The following MSRA variants were observed in gnomAD, a reference collection of about 807,000 sequenced individuals.
The protein encoded by MSRA is methionine sulfoxide reductase A.
In MSRA, 54 loss-of-function variants were observed where a neutral mutation model predicts 31.3. The ratio of observed to expected loss-of-function variants is 1.73; its 90% CI spans 1.39 to 2.17. The LOEUF (loss-of-function observed/expected upper bound fraction) is 2.17, where lower values mean the gene tolerates loss of function less well. Among genes scored for constraint, MSRA ranks in the 30% most tolerant of loss-of-function variants. MSRA has a pLI of 0.00. For missense variants in MSRA, 507 were observed against 300.9 expected, an observed-to-expected ratio of 1.69 and a Z score of -5.07; for synonymous variants, 169 against 116.5, an observed-to-expected ratio of 1.45 and a Z score of -2.90.
At chr8:10,374,669 AT>A (rs1805660290) in intron 5 of MSRA, among the ~76,000 whole-genome samples, 1 of 152,248 alleles carries the variant, frequency 6.6e-6, no homozygotes, top group Non-Finnish European at 1.5e-5. Flanking sequence ...TTTAGCGTGC[AT>A]TTCCCCCTCA....
intron 1 of MSRA, among the ~76,000 whole-genome samples, chr8:10,146,511 C>T (rs1803157834): frequency 6.6e-6 from 1 of 152,004 alleles, no homozygotes; most frequent in Non-Finnish European, 1.5e-5. Context: ...CTGCTGAGGG[C>T]CGAGGGCTGG....
chr8:10,257,528 T>A, intron 3 of MSRA, among the ~76,000 whole-genome samples: 1 of 152,194 alleles, frequency 6.6e-6, no homozygotes, highest in East Asian at 1.9e-4. Context: ...TGCCTCAGCC[T>A]CTGGAGGAGC....
intron 4 of MSRA, among the ~76,000 whole-genome samples, chr8:10,308,860 A>G (rs1200518108): frequency 1.3e-5 from 2 of 152,228 alleles, no homozygotes; most frequent in Non-Finnish European, 2.9e-5. Flanking sequence ...TCTTCTGCTA[A>G]GCAAAGTCAG....
At chr8:10,364,059 C>A (rs1373961144) in intron 5 of MSRA, among the ~76,000 whole-genome samples, 1 of 152,102 alleles carries the variant, frequency 6.6e-6, no homozygotes, top group African/African-American at 2.4e-5. Flanking sequence ...AGAAAACGGT[C>A]CACACACACT....
At chr8:10,285,491 T>G (rs1229602896) in intron 3 of MSRA, among the ~76,000 whole-genome samples, 1 of 152,214 alleles carries the variant, frequency 6.6e-6, no homozygotes, top group East Asian at 1.9e-4. Flanking sequence ...TTTCTTTGTG[T>G]TGGGAACCTT....
At chr8:10,175,973 T>C (rs997545122) in intron 1 of MSRA, among the ~76,000 whole-genome samples, 2 of 152,228 alleles carry the variant, frequency 1.3e-5, no homozygotes, top group Non-Finnish European at 2.9e-5. Flanking sequence ...TTTATCAGCA[T>C]TTAGTTCTCA....
At chr8:10,238,004 T>C (rs1476242420) in intron 2 of MSRA, among the ~76,000 whole-genome samples, 1 of 152,184 alleles carries the variant, frequency 6.6e-6, no homozygotes, top group Non-Finnish European at 1.5e-5. Flanking sequence ...AAAACTCCAA[T>C]GTGGCTACCC....
intron 5 of MSRA, among the ~76,000 whole-genome samples, chr8:10,416,984 A>G (rs1357985333): frequency 6.6e-6 from 1 of 152,262 alleles, no homozygotes; most frequent in Non-Finnish European, 1.5e-5. Flanking sequence ...TGCAGAGGAC[A>G]CAGAGGAATA....
At chr8:10,417,308 A>G (rs971371795) in intron 5 of MSRA, among the ~76,000 whole-genome samples, 3 of 152,102 alleles carry the variant, frequency 2.0e-5, no homozygotes, top group South Asian at 2.1e-4. Context: ...TGCATGTGCC[A>G]GCAGTGATTG....
intron 1 of MSRA, among the ~76,000 whole-genome samples, chr8:10,081,975 G>C (rs1033811952): frequency 6.6e-6 from 1 of 152,188 alleles, no homozygotes; most frequent in African/African-American, 2.4e-5. Flanking sequence ...GCCAAGGCAA[G>C]AGGACTGCTT....
intron 1 of MSRA, among the ~76,000 whole-genome samples, chr8:10,165,066 A>G (rs1361760254): frequency 1.3e-5 from 2 of 152,158 alleles, no homozygotes; most frequent in East Asian, 3.9e-4. Flanking sequence ...TCCTAGACCA[A>G]TTAAATCAGA....
chr8:10,299,768 A>T (rs902969607), intron 3 of MSRA, among the ~76,000 whole-genome samples: 3 of 152,182 alleles, frequency 2.0e-5, no homozygotes, highest in Non-Finnish European at 4.4e-5. Context: ...GCCCTCAAAA[A>T]CGCTGCCAAT....
At chr8:10,337,817 A>G in intron 5 of MSRA, 2 of 702,552 alleles carry the variant, frequency 2.8e-6, no homozygotes, top group Admixed American at 2.0e-5. Context: ...AAGCAATATT[A>G]TTAGTATGCA....
intron 5 of MSRA, among the ~76,000 whole-genome samples, chr8:10,393,612 G>A (rs1250093661): frequency 1.3e-5 from 2 of 152,198 alleles, no homozygotes; most frequent in South Asian, 4.1e-4. Context: ...TGTATGGCTA[G>A]CCTGGGAGTC....
At chr8:10,216,727 C>T (rs1171411474) in intron 2 of MSRA, among the ~76,000 whole-genome samples, 2 of 152,210 alleles carry the variant, frequency 1.3e-5, no homozygotes, top group Non-Finnish European at 2.9e-5. Context: ...CAAAGTTCAT[C>T]CATGTTGTAT....
At chr8:10,168,269 A>G (rs548967783) in intron 1 of MSRA, among the ~76,000 whole-genome samples, 20 of 152,302 alleles carry the variant, frequency 1.3e-4, no homozygotes, top group African/African-American at 4.6e-4. Context: ...TCTTGGTTCT[A>G]AAACCTTGTG....
intron 1 of MSRA, among the ~76,000 whole-genome samples, chr8:10,179,438 T>G (rs1472703803): frequency 6.6e-6 from 1 of 152,232 alleles, no homozygotes; most frequent in Non-Finnish European, 1.5e-5. Flanking sequence ...CGATCATTTA[T>G]AATTATAATG....
intron 5 of MSRA, among the ~76,000 whole-genome samples, chr8:10,351,245 CTT>C (rs71203317): frequency 8.6e-4 from 49 of 56,804 alleles, no homozygotes; most frequent in African/African-American, 1.1e-3. Flanking sequence ...CTGAAGGAGA[CTT>C]TTTTTTTTTT....
chr8:10,345,799 C>A (rs1803733132), intron 5 of MSRA, among the ~76,000 whole-genome samples: 1 of 152,172 alleles, frequency 6.6e-6, no homozygotes, highest in Non-Finnish European at 1.5e-5. Context: ...AAACTAAAGG[C>A]ACTAGGAGGA....
Sources: allele counts gnomAD v4.1 joint callset (sites outside exome capture counted in the v4.1 genomes callset), GRCh38; gene constraint gnomAD v4.1.1; transcripts MANE v1.5; gene names NCBI Gene and HGNC (gene_info 2026-07-23, HGNC 2026-07-21).